Variants in MAML2 observed in about 807,000 individuals in gnomAD.
MAML2 encodes mastermind-like protein 2.
MAML2 carries 22 observed loss-of-function variants against 96.1 expected under a neutral mutation model. That is an observed-to-expected ratio of 0.23 (90% CI 0.16 to 0.33). The LOEUF (loss-of-function observed/expected upper bound fraction) is 0.33, where lower values mean the gene tolerates loss of function less well. Ranked by LOEUF, MAML2 falls within the 10% of genes least tolerant of loss-of-function variation. The pLI, the probability that MAML2 is intolerant of heterozygous loss-of-function variation, is 1.00. For missense variants in MAML2, 1,367 were observed against 1,392.4 expected, an observed-to-expected ratio of 0.98 and a Z score of 0.29; for synonymous variants, 561 against 521.3, an observed-to-expected ratio of 1.08 and a Z score of -1.04.
chr11:96,342,193 A>G lies in MAML2; in HGVS notation c.-298T>C, dbSNP rs1864007500. ...TGGAGAAGTTGGACAGAGTTGGTGG[A>G]TTTTTTTTCCTCCACCAAGCTGACA... On this transcript the variant is annotated 5_prime_UTR_variant, in exon 1 of 5. Transcript: ENST00000524717. The G allele has an allele frequency of 4.3e-6, 2 of 468,084 alleles. No homozygotes were observed. Among genetic ancestry groups the G allele is most frequent in the Non-Finnish European group, 7.5e-6 (2 of 266,248 alleles). The allele number at this position is 468,084 out of a possible 1,614,324, so 29.0% of individuals were successfully genotyped here. A position where few individuals can be genotyped will look rare whatever the true frequency, so the allele number is the denominator to read the frequency against.
chr11:96,110,693 CA>C (rs35435880), intron 1 of MAML2, among the ~76,000 whole-genome samples: 104,547 of 151,950 alleles, frequency 0.69, 36,251 homozygotes, highest in East Asian at 0.95. Context: ...ACGTATATGG[CA>C]AAATCTTATT....
At chr11:96,303,050 A>G (rs1863411193) in intron 1 of MAML2, among the ~76,000 whole-genome samples, 1 of 152,250 alleles carries the variant, frequency 6.6e-6, no homozygotes, top group Non-Finnish European at 1.5e-5. Context: ...ACAGCTCCTG[A>G]AAGATATTGC....
chr11:96,332,281 C>T (rs1426879951), intron 1 of MAML2, among the ~76,000 whole-genome samples: 1 of 152,172 alleles, frequency 6.6e-6, no homozygotes, highest in Non-Finnish European at 1.5e-5. Flanking sequence ...TGAAAGGGCT[C>T]CTGAGCCAGT....
At chr11:95,983,998 C>T (rs1857785198) in intron 4 of MAML2, among the ~76,000 whole-genome samples, 1 of 152,196 alleles carries the variant, frequency 6.6e-6, no homozygotes, top group Non-Finnish European at 1.5e-5. Flanking sequence ...ACGCCACTCA[C>T]TCACTGACAC....
intron 2 of MAML2, among the ~76,000 whole-genome samples, chr11:96,016,854 G>A (rs1183318707): frequency 1.3e-5 from 2 of 152,164 alleles, no homozygotes; most frequent in Non-Finnish European, 2.9e-5. Context: ...AGGAGGAACA[G>A]ATCCAGAAAC....
At chr11:96,321,243 T>C (rs980420869) in intron 1 of MAML2, among the ~76,000 whole-genome samples, 7 of 152,232 alleles carry the variant, frequency 4.6e-5, no homozygotes, top group South Asian at 2.1e-4. Context: ...TAAATCCTCT[T>C]GGAAAGCTGG....
At chr11:96,136,820 T>C (rs969062401) in intron 1 of MAML2, among the ~76,000 whole-genome samples, 2 of 152,224 alleles carry the variant, frequency 1.3e-5, no homozygotes, top group African/African-American at 4.8e-5. Context: ...TCAAAATCCC[T>C]GTTACTAAGA....
intron 2 of MAML2, among the ~76,000 whole-genome samples, chr11:95,995,183 G>T (rs1857972668): frequency 6.6e-6 from 1 of 152,212 alleles, no homozygotes; most frequent in South Asian, 2.1e-4. Flanking sequence ...ACTACAGAAA[G>T]CTGTTCTGTG....
intron 1 of MAML2, among the ~76,000 whole-genome samples, chr11:96,123,801 TGG>T (rs1860390719): frequency 6.6e-6 from 1 of 152,006 alleles, no homozygotes; most frequent in Non-Finnish European, 1.5e-5. Context: ...CCGGCCGGCA[TGG>T]TGGCTCACGC....
At chr11:96,164,077 T>A (rs997796287) in intron 1 of MAML2, among the ~76,000 whole-genome samples, 1 of 151,962 alleles carries the variant, frequency 6.6e-6, no homozygotes, top group Non-Finnish European at 1.5e-5. Flanking sequence ...GATTTCACCA[T>A]GTTGGCCAAG....
At chr11:96,256,945 G>A (rs940257945) in intron 1 of MAML2, among the ~76,000 whole-genome samples, 4 of 152,178 alleles carry the variant, frequency 2.6e-5, no homozygotes, top group African/African-American at 7.2e-5. Context: ...AATACTTTGG[G>A]TAGTAGCAAT....
At chr11:96,108,831 G>A (rs187594638) in intron 1 of MAML2, among the ~76,000 whole-genome samples, 2 of 152,100 alleles carry the variant, frequency 1.3e-5, no homozygotes, top group African/African-American at 2.4e-5. Flanking sequence ...CCAGGAGTTC[G>A]AGACCAGCCT....
At position 96,091,879 on chromosome 11, in the gene MAML2, G is replaced by A. The variant is rs2135809812; in HGVS notation, c.2139+13C>T. The A allele has an allele frequency of 6.2e-7, 1 of 1,608,648 alleles. No homozygotes were observed. The highest frequency in any genetic ancestry group is 8.5e-7 in the Non-Finnish European group (1 of 1,177,232). On this transcript the variant is annotated intron_variant, in intron 2 of 4. Transcript: ENST00000524717. ...CTCTGGGAACTCTGTATTTGGAGTA[G>A]TAGAGCCCTTACCTGTCTCTGTTGT...
intron 2 of MAML2, among the ~76,000 whole-genome samples, chr11:96,031,335 TTGTG>T (rs10596374): frequency 0.1 from 15,554 of 150,294 alleles, 1,076 homozygotes; most frequent in East Asian, 0.22. Flanking sequence ...ATTTAACAGT[TTGTG>T]TGTGTGTGTG....
At position 96,312,219 on chromosome 11, in the gene MAML2, C is replaced by CAAAAAAAAAAAAAAAAAAAA. The variant is rs34658278; in HGVS notation, c.513+29144_513+29163dup. ...TGGGCGACAGAGCAAGACTCTATCT[C>CAAAAAAAAAAAAAAAAAAAA]AAAAAAAAAAAAAAAAAAAAAAAAA... On this transcript the variant is annotated intron_variant, in intron 1 of 4. Transcript: ENST00000524717. 6.8e-4 allele frequency among the ~76,000 whole-genome samples: 35 copies of CAAAAAAAAAAAAAAAAAAAA among 51,558 alleles called. 1 individual carries two copies. Among genetic ancestry groups the CAAAAAAAAAAAAAAAAAAAA allele is most frequent in the Non-Finnish European group, 8.3e-4 (26 of 31,166 alleles). 33.8% of individuals were successfully genotyped at this position (51,558 alleles called of 152,430 possible). A position where few individuals can be genotyped will look rare whatever the true frequency, so the allele number is the denominator to read the frequency against.
intron 1 of MAML2, among the ~76,000 whole-genome samples, chr11:96,178,120 G>A (rs1861419844): frequency 6.7e-6 from 1 of 150,172 alleles, no homozygotes; most frequent in African/African-American, 2.5e-5. Flanking sequence ...ACACAGCCAG[G>A]CTGAGACATC....
chr11:96,196,824 G>T, intron 1 of MAML2, among the ~76,000 whole-genome samples: 1 of 144,320 alleles, frequency 6.9e-6, no homozygotes, highest in East Asian at 2.0e-4. Flanking sequence ...TTCTTTTTTT[G>T]TTCTCCCCAC....
At position 95,978,526 on chromosome 11, in the gene MAML2, CCTAT is replaced by C. The variant is rs1224033184; in HGVS notation, c.*418_*421del. The C allele has an allele frequency of 3.2e-5, 7 of 218,648 alleles. No homozygotes were observed. Among genetic ancestry groups the C allele is most frequent in the Non-Finnish European group, 1.8e-5 (2 of 109,436 alleles). The allele number at this position is 218,648 out of a possible 1,614,324, so 13.5% of individuals were successfully genotyped here. On this transcript the variant is annotated 3_prime_UTR_variant, in exon 5 of 5. Transcript: ENST00000524717. The stretch of plus-strand genomic sequence containing the variant: ...GACACAATGGAAAGATTAAACCATA[CCTAT>C]CTATTAGAGCAAATTAAGGAGTTTG...
At chr11:96,100,735 C>CTTTTTTTTTTTTTTTTTTTTTTT (rs66593553) in intron 1 of MAML2, among the ~76,000 whole-genome samples, 1 of 136,160 alleles carries the variant, frequency 7.3e-6, no homozygotes. Context: ...GTCAAAATAG[C>CTTTTTTTTTTTTTTTTTTTTTTT]TTTTTTTTTT....
Sources: gnomAD v4.1 joint callset for allele counts (sites outside exome capture counted in the v4.1 genomes callset) on GRCh38, gnomAD v4.1.1 for gene constraint, MANE v1.5 for transcripts, NCBI Gene and HGNC (gene_info 2026-07-23, HGNC 2026-07-21) for gene names.